Variants in ERBB4 observed in about 807,000 individuals in gnomAD.
ERBB4 encodes erb-b2 receptor tyrosine kinase 4.
Under a neutral mutation model 158.0 loss-of-function variants are expected in ERBB4, and 42 were observed. The ratio of observed to expected loss-of-function variants is 0.27; its 90% CI spans 0.21 to 0.34. The LOEUF is 0.34. Ranked by LOEUF, ERBB4 falls within the 10% of genes least tolerant of loss-of-function variation. The probability of loss-of-function intolerance (pLI) is 1.00; values close to 1 mark genes in which losing one functional copy is unlikely to be tolerated. For synonymous variants in ERBB4, 583 were observed against 558.7 expected (o/e 1.04, Z -0.61); for missense variants, 1,333 against 1,624.1 (o/e 0.82, Z 3.08).
At chr2:211,983,558 G>T (rs1045175787) in intron 2 of ERBB4, among the ~76,000 whole-genome samples, 5 of 152,122 alleles carry the variant, frequency 3.3e-5, no homozygotes, top group Admixed American at 3.3e-4. Flanking sequence ...ACACAACTGA[G>T]AATAAAAGCA....
In ERBB4 at chr2:211,383,809, G is replaced by T. The variant is rs2062624719; in HGVS notation, c.3733C>A (p.His1245Asn). The T allele has an allele frequency of 3.1e-6, 5 of 1,614,022 alleles. No individual in the cohort carries two copies. Among genetic ancestry groups the T allele is most frequent in the Non-Finnish European group, 3.4e-6 (4 of 1,180,034 alleles). ...KAFDNPDYWN[H>N]SLPPRSTLQH... Reference sequence around the variant, plus strand: ...AGGGTGCTCCGAGGTGGCAGGCTGTGGTTCCAGTAGTCAGGGTTGTCAAAC... The same window carrying T: ...AGGGTGCTCCGAGGTGGCAGGCTGTTGTTCCAGTAGTCAGGGTTGTCAAAC... Residue 1245 changes from histidine (H) to asparagine (N), a missense_variant, in exon 28 of 28, where the codon CAC (histidine) becomes AAC (asparagine). His to Asn is a moderately conservative substitution (Grantham distance 68, BLOSUM62 1). Transcript: ENST00000342788.
At chr2:212,013,716 A>G (rs1216760400) in intron 2 of ERBB4, among the ~76,000 whole-genome samples, 1 of 152,166 alleles carries the variant, frequency 6.6e-6, no homozygotes, top group Non-Finnish European at 1.5e-5. Flanking sequence ...AGAAGCTAGA[A>G]GAGGCAAGGT....
intron 1 of ERBB4, among the ~76,000 whole-genome samples, chr2:212,260,359 T>C (rs193113659): frequency 3.2e-4 from 48 of 152,248 alleles, no homozygotes; most frequent in Admixed American, 2.7e-3. Flanking sequence ...TGAAATTAGG[T>C]TGTATACTTG....
At chr2:211,761,667 A>C (rs929777109) in intron 4 of ERBB4, among the ~76,000 whole-genome samples, 1 of 152,208 alleles carries the variant, frequency 6.6e-6, no homozygotes, top group Non-Finnish European at 1.5e-5. Context: ...ATGTCAATTA[A>C]ATACAAACAC....
intron 3 of ERBB4, among the ~76,000 whole-genome samples, chr2:211,908,580 T>C (rs76699225): frequency 0.014 from 2,162 of 151,958 alleles, 57 homozygotes; most frequent in African/African-American, 0.05. Flanking sequence ...ATACAATTTA[T>C]TGAGCCATGA....
chr2:211,905,060 C>A (rs935245295), intron 3 of ERBB4, among the ~76,000 whole-genome samples: 1 of 151,966 alleles, frequency 6.6e-6, no homozygotes, highest in Non-Finnish European at 1.5e-5. Flanking sequence ...ACAAACTTAC[C>A]GCAAATTTAA....
chr2:212,411,503 G>T (rs376153100), intron 1 of ERBB4, among the ~76,000 whole-genome samples: 1 of 152,152 alleles, frequency 6.6e-6, no homozygotes, highest in Non-Finnish European at 1.5e-5. Context: ...CCAGGAAGGG[G>T]ATGTGACAGC....
At chr2:211,537,779 C>A (rs781614608) in intron 20 of ERBB4, among the ~76,000 whole-genome samples, 1 of 151,856 alleles carries the variant, frequency 6.6e-6, no homozygotes, top group Non-Finnish European at 1.5e-5. Flanking sequence ...AATAAAAATT[C>A]ATCAAAGCAG....
intron 2 of ERBB4, among the ~76,000 whole-genome samples, chr2:212,068,730 A>C (rs1022691865): frequency 1.3e-5 from 2 of 152,016 alleles, no homozygotes; most frequent in Non-Finnish European, 2.9e-5. Context: ...GAAGCAAATC[A>C]TCTCTGCTCA....
chr2:212,152,395 T>G (rs2080900318), intron 1 of ERBB4, among the ~76,000 whole-genome samples: 1 of 152,196 alleles, frequency 6.6e-6, no homozygotes, highest in Non-Finnish European at 1.5e-5. Context: ...ATATTAGCTG[T>G]CAATAATCAG....
At chr2:211,658,396 A>C (rs1283256535) in intron 15 of ERBB4, among the ~76,000 whole-genome samples, 1 of 152,188 alleles carries the variant, frequency 6.6e-6, no homozygotes, top group African/African-American at 2.4e-5. Context: ...AAAAACAATA[A>C]GAAAACCATG....
At chr2:212,472,665 G>T (rs1026529269) in intron 1 of ERBB4, among the ~76,000 whole-genome samples, 1 of 151,712 alleles carries the variant, frequency 6.6e-6, no homozygotes, top group African/African-American at 2.4e-5. Flanking sequence ...GTTTGAAACT[G>T]CTACTCTACA....
intron 1 of ERBB4, among the ~76,000 whole-genome samples, chr2:212,526,434 GAAGA>G (rs1269695324): frequency 3.9e-5 from 6 of 151,984 alleles, no homozygotes; most frequent in Admixed American, 1.3e-4. Context: ...CCTGTATTTA[GAAGA>G]AAGAAAAGGG....
chr2:212,224,829 GT>G lies in ERBB4; in HGVS notation c.83-99927del, dbSNP rs200229173. Among the ~76,000 whole-genome samples, 3 of 151,592 alleles carry G rather than the reference GT, an allele frequency of 2.0e-5. No individual in the cohort carries two copies. The South Asian group carries it at 6.2e-4, about 31-fold the overall frequency. ...AACTGAAAATTTACTGTCTGAACAAGTTTTTTTTAAATTTGAAATATTTTGA... is the reference window on the plus strand; with the variant it reads ...AACTGAAAATTTACTGTCTGAACAAGTTTTTTTAAATTTGAAATATTTTGA... On this transcript the variant is annotated intron_variant, in intron 1 of 27. Coordinates refer to ENST00000342788, the MANE Select transcript of ERBB4 (RefSeq NM_005235.3).
chr2:211,818,031 T>C (rs539875639), intron 3 of ERBB4, among the ~76,000 whole-genome samples: 52 of 152,304 alleles, frequency 3.4e-4, no homozygotes, highest in Admixed American at 1.8e-3. Context: ...TGTATCTTAA[T>C]ACAGATGATA....
At chr2:212,461,673 C>T (rs551520023) in intron 1 of ERBB4, among the ~76,000 whole-genome samples, 1 of 152,034 alleles carries the variant, frequency 6.6e-6, no homozygotes, top group African/African-American at 2.4e-5. Flanking sequence ...ATAATTGGTT[C>T]CAAAATGTGA....
chr2:211,582,536 G>A (rs2125774499), intron 19 of ERBB4, among the ~76,000 whole-genome samples: 1 of 152,220 alleles, frequency 6.6e-6, no homozygotes, highest in South Asian at 2.1e-4. Flanking sequence ...ATTAGAAAAT[G>A]TTTCTGTGGT....
chr2:211,415,899 C>CTATT (rs1389190435), intron 25 of ERBB4, among the ~76,000 whole-genome samples: 14 of 152,070 alleles, frequency 9.2e-5, no homozygotes, highest in African/African-American at 3.4e-4. Flanking sequence ...GCAAATAAAT[C>CTATT]TATTTAATAA....
At chr2:211,942,437 G>T (rs1245127641) in intron 3 of ERBB4, among the ~76,000 whole-genome samples, 1 of 151,562 alleles carries the variant, frequency 6.6e-6, no homozygotes, top group Non-Finnish European at 1.5e-5. Context: ...GCTCACTGCA[G>T]CCTCGACCTT....
Sources: allele counts gnomAD v4.1 joint callset (sites outside exome capture counted in the v4.1 genomes callset), GRCh38; gene constraint gnomAD v4.1.1; transcripts MANE v1.5; gene names NCBI Gene and HGNC (gene_info 2026-07-23, HGNC 2026-07-21).